The following HUWE1 variants were observed in gnomAD, a reference collection of about 807,000 sequenced individuals.
HUWE1 encodes HECT, UBA and WWE domain containing E3 ubiquitin protein ligase 1.
Under a neutral mutation model 299.4 loss-of-function variants are expected in HUWE1, and 18 were observed. The ratio of observed to expected loss-of-function variants is 0.06; its 90% confidence interval spans 0.04 to 0.09. The LOEUF is 0.09. HUWE1 is among the 10% of genes least tolerant of loss of function. The pLI is 1.00. For missense variants in HUWE1, 1,832 were observed against 3,462.3 expected (o/e 0.53, Z 11.82); for synonymous variants, 1,317 against 1,286.1 (o/e 1.02, Z -0.51).
chrX:53,661,803 T>G (rs1557045650), intron 3 of HUWE1, among the ~76,000 whole-genome samples: 1 of 111,512 alleles, frequency 9.0e-6, no homozygotes, highest in African/African-American at 3.3e-5. Context: ...TTATCTAATA[T>G]TTTTTTTCAC....
At position 53,554,890 on chromosome X, in the gene HUWE1, G is replaced by C. The variant is rs2061927403; in HGVS notation, c.8237C>G (p.Thr2746Arg). ...AGCTGCATCAGTTGAAGATGGGGTT[G>C]TTGGGTAGCTGTCAGGCATAGGCGT... The part of the protein sequence containing the change: ...DGTPMPDSYP[T>R]TPSSTDAATS... The change falls in exon 61 of 84, where the codon ACA becomes AGA. Residue 2746 changes from threonine to arginine, a missense_variant. Thr to Arg is a moderately conservative substitution (Grantham distance 71, BLOSUM62 -1). Around this residue, in one of 15 missense-constraint regions of HUWE1, gnomAD observed 143 missense variants for 148.1 expected, o/e 0.97. Coordinates refer to ENST00000262854, the MANE Select transcript of HUWE1 (RefSeq NM_031407.7). 1 of 1,189,659 alleles carries C rather than the reference G, an allele frequency of 8.4e-7. No individual in the cohort carries two copies. Among genetic ancestry groups the C allele is most frequent in the Non-Finnish European group, 1.1e-6 (1 of 882,225 alleles).
At chrX:53,563,188 T>C (rs2062372517) in intron 52 of HUWE1, among the ~76,000 whole-genome samples, 2 of 112,192 alleles carry the variant, frequency 1.8e-5, no homozygotes, top group Admixed American at 9.4e-5. Flanking sequence ...CCACAGAGGA[T>C]ACTGGGTATA....
At chrX:53,547,420 G>A (rs1727874379) in intron 68 of HUWE1, among the ~76,000 whole-genome samples, 2 of 111,717 alleles carry the variant, frequency 1.8e-5, no homozygotes, top group African/African-American at 6.5e-5. Context: ...AATGCCTGCT[G>A]ACCTTCAAAA....
At chrX:53,598,020 C>CA (rs376379297) in intron 29 of HUWE1, among the ~76,000 whole-genome samples, 103 of 110,272 alleles carry the variant, frequency 9.3e-4, no homozygotes, top group Middle Eastern at 4.7e-3. Context: ...GTGGATATAG[C>CA]AAAAAAAAGG....
intron 68 of HUWE1, 112 bp from the exon 69 acceptor site, chrX:53,546,937 A>T: frequency 1.0e-6 from 1 of 986,668 alleles, no homozygotes; most frequent in Non-Finnish European, 1.4e-6. Context: ...ATGGGAAAGT[A>T]CTGAAAAAGA....
chrX:53,583,538 C>CT lies in HUWE1; in HGVS notation c.5520+19dup. On this transcript the variant is annotated intron_variant, in intron 42 of 83. Coordinates refer to ENST00000262854, the MANE Select transcript of HUWE1 (RefSeq NM_031407.7). ...GTATGATGTAAAGCTAAACCAGAAT[C>CT]TGATACAAAACACACTCACCTTTTC... 1.8e-6 allele frequency: 2 copies of CT among 1,083,024 alleles called. No homozygotes were observed. Among genetic ancestry groups the CT allele is most frequent in the Non-Finnish European group, 2.6e-6 (2 of 778,300 alleles). The allele number at this position is 1,083,024 out of a possible 1,213,427, so 89.3% of individuals were successfully genotyped here.
chrX:53,632,838 G>C (rs1298184034), intron 8 of HUWE1, among the ~76,000 whole-genome samples: 4 of 112,011 alleles, frequency 3.6e-5, no homozygotes, highest in East Asian at 5.6e-4. Flanking sequence ...CCCTTTAAGA[G>C]ATCAATTTTG....
intron 3 of HUWE1, among the ~76,000 whole-genome samples, chrX:53,678,412 C>T (rs139510153): frequency 9.0e-6 from 1 of 111,636 alleles, no homozygotes; most frequent in Non-Finnish European, 1.9e-5. Flanking sequence ...AGTAACCAGT[C>T]GTTGAGGAAA....
chrX:53,576,927 G>A lies in HUWE1; in HGVS notation c.5857C>T (p.Leu1953=). 1.7e-6 allele frequency: 2 copies of A among 1,210,852 alleles called. No homozygotes were observed. The highest frequency in any genetic ancestry group is 2.2e-5 in the Admixed American group (1 of 46,067). Reference sequence around the variant, plus strand: ...TCCTCTGGAGCATGGTATGCAGCCAGAGCATTCAGCATATCATAGATCACT... The same window carrying A: ...TCCTCTGGAGCATGGTATGCAGCCAAAGCATTCAGCATATCATAGATCACT... The part of the protein sequence containing the change: ...KEVIYDMLNA[L]AAYHAPEEAD... The change falls in exon 44 of 84, where the codon CTG becomes TTG. Residue 1953 remains leucine (L), a synonymous_variant. Transcript: ENST00000262854.
At chrX:53,683,846 GC>G (rs1444273812) in intron 2 of HUWE1, 1 of 209,526 alleles carries the variant, frequency 4.8e-6, no homozygotes, top group East Asian at 7.5e-5. Flanking sequence ...CCTAGTCACT[GC>G]CCCCCCACCC....
intron 26 of HUWE1, among the ~76,000 whole-genome samples, 163 bp from the exon 27 acceptor site, chrX:53,603,664 T>A (rs782446126): frequency 1.7e-4 from 19 of 112,333 alleles, no homozygotes; most frequent in African/African-American, 6.1e-4. Flanking sequence ...AGACGACAGT[T>A]CCACAAGGTA....
intron 78 of HUWE1, 54 bp downstream of exon 78, chrX:53,537,502 T>C (rs1176814201): frequency 1.2e-5 from 14 of 1,171,762 alleles, no homozygotes; most frequent in Admixed American, 2.2e-5. Flanking sequence ...ATCGCTACTG[T>C]GCAGGAGGCC....
At chrX:53,576,803 T>C (rs781844620) in intron 44 of HUWE1, 97 bp downstream of exon 44, 6 of 850,729 alleles carry the variant, frequency 7.1e-6, no homozygotes, top group East Asian at 3.1e-5. Flanking sequence ...TATGGGCACA[T>C]AGTGAGTGCT....
At chrX:53,575,875 A>C in intron 44 of HUWE1, 87 bp from the exon 45 acceptor site, 1 of 950,624 alleles carries the variant, frequency 1.1e-6, no homozygotes, top group South Asian at 2.1e-5. Flanking sequence ...AGTCTTGGTC[A>C]ATTTCACATC....
Position 53,606,765 on chromosome X carries a change from C to A in HUWE1, c.2496+758G>T, listed in dbSNP as rs192090823. Among the ~76,000 whole-genome samples, 5 of 111,307 alleles carry A rather than the reference C, an allele frequency of 4.5e-5. No homozygotes were observed. In the East Asian group the frequency reaches 1.4e-3, roughly 31 times the overall value. On this transcript the variant is annotated intron_variant, in intron 25 of 83. Transcript: ENST00000262854. ...TTTATGATCCCACTTATATAAGGTACCTAGAGTAGTCAAATTTAGAGACAA... is the reference window on the plus strand; with the variant it reads ...TTTATGATCCCACTTATATAAGGTAACTAGAGTAGTCAAATTTAGAGACAA...
At chrX:53,624,265 A>G (rs1444894509) in intron 19 of HUWE1, among the ~76,000 whole-genome samples, 1 of 111,560 alleles carries the variant, frequency 9.0e-6, no homozygotes, top group Non-Finnish European at 1.9e-5. Context: ...GATTACAGGC[A>G]GGAGCTTCCA....
At chrX:53,608,705 CA>C in intron 24 of HUWE1, 146 bp downstream of exon 24, 1 of 514,769 alleles carries the variant, frequency 1.9e-6, no homozygotes, top group Non-Finnish European at 3.6e-6. Flanking sequence ...CAGTCTAGAA[CA>C]AAAACAAAAG....
chrX:53,670,238 G>C (rs782513328), intron 3 of HUWE1, among the ~76,000 whole-genome samples: 11 of 111,784 alleles, frequency 9.8e-5, no homozygotes, highest in Non-Finnish European at 1.9e-4. Flanking sequence ...CCCTATTTGG[G>C]GAGTAACTTT....
rs1557018727 is a variant in HUWE1 at position 53,627,387 on chromosome X, C to A, written c.1489+23G>T. On this transcript the variant is annotated intron_variant, in intron 17 of 83. Transcript: ENST00000262854. ...ACAAAAAATCTCAAGCACAAAAATA[C>A]TGACTTAATAACTGTTAATTACCAT... 4.3e-6 allele frequency: 4 copies of A among 937,080 alleles called. No individual in the cohort carries two copies. In the Admixed American group the frequency reaches 9.1e-5, roughly 21 times the overall value. The allele number at this position is 937,080 out of a possible 1,213,427, so 77.2% of individuals were successfully genotyped here. A position where few individuals can be genotyped will look rare whatever the true frequency, so the allele number is the denominator to read the frequency against.
Sources: gnomAD v4.1 joint callset for allele counts (sites outside exome capture counted in the v4.1 genomes callset) on GRCh38, gnomAD v4.1.1 for gene constraint, gnomAD v4.1.1 regional missense constraint, MANE v1.5 for transcripts, NCBI Gene and HGNC (gene_info 2026-07-23, HGNC 2026-07-21) for gene names.